The following CHD8 variants were observed in gnomAD, a reference collection of about 807,000 sequenced individuals.
The protein encoded by CHD8 is ATP-dependent chromatin remodeler CHD8.
Under a neutral mutation model 279.2 loss-of-function variants are expected in CHD8, and 31 were observed. That is an observed-to-expected ratio of 0.11 (90% CI 0.08 to 0.15). CHD8 has a LOEUF of 0.15. Among genes scored for constraint, CHD8 ranks in the 10% least tolerant of loss-of-function variants. CHD8 has a pLI of 1.00. For synonymous variants in CHD8, 1,081 were observed against 1,139.6 expected (o/e 0.95, Z 1.04); for missense variants, 2,146 against 3,230.5 (o/e 0.66, Z 8.14).
rs770361123 is a variant in CHD8, at chr14:21,430,900, C to A, written c.744G>T (p.Leu248=). The A allele has an allele frequency of 1.3e-6, 2 of 1,599,402 alleles. No individual in the cohort carries two copies. The highest frequency in any genetic ancestry group is 1.7e-6 in the Non-Finnish European group (2 of 1,179,720). Reference sequence around the variant, plus strand: ...CTGAACCCTTAACTGGCTGGAGGACCAGCTGCTTTACTGGTCGGCTGGGCT... The same window carrying A: ...CTGAACCCTTAACTGGCTGGAGGACAAGCTGCTTTACTGGTCGGCTGGGCT... ...IVQPSRPVKQ[L]VLQPVKGSAP... is the part of the protein sequence containing the mutation. Residue 248 remains leucine (L), a synonymous_variant, in exon 2 of 38, where the codon CTG becomes CTT. Coordinates refer to ENST00000646647, the MANE Select transcript of CHD8 (RefSeq NM_001170629.2).
chr14:21,425,953 C>T (rs1889297234), intron 5 of CHD8, 175 bp downstream of exon 5: 1 of 557,098 alleles, frequency 1.8e-6, no homozygotes, highest in East Asian at 3.1e-5. Context: ...AAGAAAACAA[C>T]AACAACAACA....
chr14:21,399,587 G>A lies in CHD8; in HGVS notation c.4921+15C>T. The A allele has an allele frequency of 6.4e-7, 1 of 1,573,832 alleles. No homozygotes were observed. The highest frequency in any genetic ancestry group is 8.7e-7 in the Non-Finnish European group (1 of 1,143,274). On this transcript the variant is annotated intron_variant, in intron 26 of 37. Coordinates refer to ENST00000646647, the MANE Select transcript of CHD8 (RefSeq NM_001170629.2). ...TCTTCAGTCGGAAAGGAGTAGAATA[G>A]GAGAAGATACGTACCATGTTTAAAG...
intron 28 of CHD8, 71 bp from the exon 29 acceptor site, chr14:21,395,423 A>G: frequency 1.9e-6 from 2 of 1,070,500 alleles, no homozygotes; most frequent in Non-Finnish European, 2.8e-6. Context: ...CTCTGAAATC[A>G]CTTTCTTGTG....
Position 21,429,318 on chromosome 14 carries a change from G to A in CHD8, c.861C>T (p.Ile287=), listed in dbSNP as rs1366589896. Residue 287 remains isoleucine (I), a synonymous_variant, in exon 3 of 38, where the codon ATC becomes ATT. Coordinates refer to ENST00000646647, the MANE Select transcript of CHD8 (RefSeq NM_001170629.2). ...STPTQGESKR[I]TLVLQQPQSG... ...ACTGTGGCTGCTGGAGGACCAGGGT[G>A]ATGCGTTTCGATTCACCCTAAAGTG... The A allele has an allele frequency of 6.2e-7, 1 of 1,602,506 alleles. No individual in the cohort carries two copies. The highest frequency in any genetic ancestry group is 2.2e-5 in the East Asian group (1 of 44,678).
At chr14:21,396,162 A>G (rs763409239) in intron 27 of CHD8, among the ~76,000 whole-genome samples, 1 of 150,996 alleles carries the variant, frequency 6.6e-6, no homozygotes, top group African/African-American at 2.4e-5. Context: ...GCACCCGGCT[A>G]ATTTTCATAT....
At chr14:21,428,798 T>C (rs1889438214) in intron 3 of CHD8, among the ~76,000 whole-genome samples, 166 bp downstream of exon 3, 1 of 152,184 alleles carries the variant, frequency 6.6e-6, no homozygotes, top group East Asian at 1.9e-4. Flanking sequence ...TTTAATAATA[T>C]AATTAAAATA....
chr14:21,415,735 T>C lies in CHD8; in HGVS notation c.1889A>G (p.Gln630Arg). 1 of 1,613,910 alleles carries C rather than the reference T, an allele frequency of 6.2e-7. No homozygotes were observed. Among genetic ancestry groups the C allele is most frequent in the Non-Finnish European group, 8.5e-7 (1 of 1,179,838 alleles). Reference sequence around the variant, plus strand: ...GAGTTTACAGCTTACCACAAAGAACTGCATGGAAGGCAAAGTCTCGCCATC... The same window carrying C: ...GAGTTTACAGCTTACCACAAAGAACCGCATGGAAGGCAAAGTCTCGCCATC... ...EPDGETLPSMQFFVENPSEED... is the reference protein window; with the variant it reads ...EPDGETLPSMRFFVENPSEED... Residue 630 changes from glutamine (Q) to arginine (R), a missense_variant, in exon 6 of 38, where the codon CAG (glutamine) becomes CGG (arginine). Physicochemically the swap from Gln to Arg is conservative, Grantham distance 43. Coordinates refer to ENST00000646647, the MANE Select transcript of CHD8 (RefSeq NM_001170629.2).
chr14:21,399,987 A>G lies in CHD8; in HGVS notation c.4811T>C (p.Ile1604Thr), dbSNP rs1200905819. The change falls in exon 25 of 38, where the codon ATT (isoleucine) becomes ACT (threonine). Residue 1604 changes from isoleucine to threonine, a missense_variant. Ile to Thr is a moderately conservative substitution (Grantham distance 89, BLOSUM62 -1). Coordinates refer to ENST00000646647, the MANE Select transcript of CHD8 (RefSeq NM_001170629.2). ...DQAEKVLGGA[I>T]ASEIDIWFPV... Reference sequence around the variant, plus strand: ...AAATATAGCAGAATTTTACCTGGCAATCGCACCCCCTAACACCTTTTCTGC... The same window carrying G: ...AAATATAGCAGAATTTTACCTGGCAGTCGCACCCCCTAACACCTTTTCTGC... 1 of 1,612,786 alleles carries G rather than the reference A, an allele frequency of 6.2e-7. No individual in the cohort carries two copies. The highest frequency in any genetic ancestry group is 1.3e-5 in the African/African-American group (1 of 74,984).
intron 5 of CHD8, among the ~76,000 whole-genome samples, chr14:21,424,831 C>T (rs766231489): frequency 3.9e-5 from 6 of 151,994 alleles, no homozygotes; most frequent in Non-Finnish European, 7.4e-5. Flanking sequence ...GTCAATGTAC[C>T]GAATGTATAT....
chr14:21,431,875 A>G lies in CHD8; in HGVS notation c.-215-17T>C. On this transcript the variant is annotated splice_polypyrimidine_tract_variant and intron_variant, in intron 1 of 37. Transcript: ENST00000646647. ...GTGGAACTCCTGTTGTAGGAATACA[A>G]ATACAAATGAAAAATAGGCAAAGTT... The G allele has an allele frequency of 6.4e-7, 1 of 1,574,308 alleles. No individual in the cohort carries two copies. Among genetic ancestry groups the G allele is most frequent in the Non-Finnish European group, 8.7e-7 (1 of 1,143,812 alleles).
At chr14:21,411,656 T>C (rs974257833) in intron 10 of CHD8, among the ~76,000 whole-genome samples, 9 of 151,924 alleles carry the variant, frequency 5.9e-5, no homozygotes, top group African/African-American at 2.2e-4. Flanking sequence ...GAAGGAAAAA[T>C]ATAAAGTGAC....
intron 2 of CHD8, 183 bp downstream of exon 2, chr14:21,430,618 T>C (rs1443284233): frequency 1.7e-6 from 1 of 577,060 alleles, no homozygotes; most frequent in Non-Finnish European, 3.1e-6. Flanking sequence ...TCAAAAAATA[T>C]GTTAACATTA....
chr14:21,451,571 CAAAAAAAAAAAA>C (rs969355375), intron 1 of CHD8, among the ~76,000 whole-genome samples: 12 of 31,644 alleles, frequency 3.8e-4, no homozygotes, highest in Admixed American at 5.0e-4. Flanking sequence ...GACTCTGTCT[CAAAAAAAAAAAA>C]AAAAAAAAAA....
At chr14:21,386,271 A>G in intron 37 of CHD8, 95 bp from the exon 38 acceptor site, 1 of 1,215,232 alleles carries the variant, frequency 8.2e-7, no homozygotes, top group Non-Finnish European at 1.1e-6. Context: ...ATGCTTTTTT[A>G]CTGAATGTAC....
chr14:21,438,064 G>C (rs1889857114), intron 1 of CHD8, among the ~76,000 whole-genome samples: 1 of 151,984 alleles, frequency 6.6e-6, no homozygotes, highest in Admixed American at 6.6e-5. Flanking sequence ...AAGTAAACTT[G>C]TTTTTTCCTT....
At chr14:21,437,019 G>C (rs528530951) in intron 1 of CHD8, 1 of 1,246,018 alleles carries the variant, frequency 8.0e-7, no homozygotes, top group South Asian at 1.2e-5. Context: ...AGGAGCTAGC[G>C]GGGGTGCCCT....
chr14:21,397,845 T>C lies in CHD8; in HGVS notation c.5029A>G (p.Asn1677Asp), dbSNP rs768436896. The C allele has an allele frequency of 6.2e-7, 1 of 1,613,696 alleles. No individual in the cohort carries two copies. The highest frequency in any genetic ancestry group is 2.2e-5 in the East Asian group (1 of 44,866). The stretch of plus-strand genomic sequence containing the variant: ...TACCCTTCTACTATGTCAGAGAAGT[T>C]ATCCAACACTCGATGTTCTGCTGCA... ...AIAAEHRVLD[N>D]FSDIVEGVDF... is the part of the protein sequence containing the mutation. Residue 1677 changes from asparagine (N) to aspartate (D), a missense_variant, in exon 27 of 38, where the codon AAC (asparagine) becomes GAC (aspartate). Around this residue, in one of 26 missense-constraint regions of CHD8, gnomAD observed 75 missense variants for 81.3 expected, o/e 0.92. Coordinates refer to ENST00000646647, the MANE Select transcript of CHD8 (RefSeq NM_001170629.2).
intron 1 of CHD8, among the ~76,000 whole-genome samples, chr14:21,444,837 T>C (rs1262030567): frequency 2.0e-5 from 3 of 152,232 alleles, no homozygotes; most frequent in Non-Finnish European, 4.4e-5. Flanking sequence ...ACCTCAATTA[T>C]TATTCATTAT....
At chr14:21,407,549 T>C (rs1382375713) in intron 13 of CHD8, among the ~76,000 whole-genome samples, 1 of 152,192 alleles carries the variant, frequency 6.6e-6, no homozygotes, top group Non-Finnish European at 1.5e-5. Flanking sequence ...AAATTCATGT[T>C]AATACACGAT....
Sources: gnomAD v4.1 joint callset for allele counts (sites outside exome capture counted in the v4.1 genomes callset) on GRCh38, gnomAD v4.1.1 for gene constraint, gnomAD v4.1.1 regional missense constraint, MANE v1.5 for transcripts, NCBI Gene and HGNC (gene_info 2026-07-23, HGNC 2026-07-21) for gene names.